LMBRD1: variants seen among roughly 807,000 people sequenced by gnomAD.
The protein encoded by LMBRD1 is lysosomal cobalamin transport escort protein LMBD1.
LMBRD1 carries 64 observed loss-of-function variants against 74.8 expected under a neutral mutation model. The ratio of observed to expected loss-of-function variants is 0.86; its 90% CI spans 0.70 to 1.05. LMBRD1 has a LOEUF of 1.05. Ranked by LOEUF, LMBRD1 falls within the 50% of genes least tolerant of loss-of-function variation. The pLI is 0.00. For missense variants in LMBRD1, 652 were observed against 645.9 expected (o/e 1.01, Z -0.10); for synonymous variants, 204 against 216.3 (o/e 0.94, Z 0.50).
chr6:69,795,638 GGCT>G (rs1766207531), intron 1 of LMBRD1, among the ~76,000 whole-genome samples: 1 of 152,198 alleles, frequency 6.6e-6, no homozygotes, highest in Non-Finnish European at 1.5e-5. Context: ...AGGACTGGGT[GGCT>G]GCAGAGACCA....
chr6:69,721,111 C>G (rs1766604794), intron 7 of LMBRD1, among the ~76,000 whole-genome samples: 1 of 152,206 alleles, frequency 6.6e-6, no homozygotes, highest in Non-Finnish European at 1.5e-5. Context: ...TCTCAGCAAG[C>G]CTTGCCACTG....
chr6:69,730,221 G>A (rs1355319273), intron 7 of LMBRD1, among the ~76,000 whole-genome samples: 2 of 151,828 alleles, frequency 1.3e-5, no homozygotes, highest in Admixed American at 6.6e-5. Flanking sequence ...TTCTTTTACC[G>A]CTCAGTTTAG....
At position 69,697,530 on chromosome 6, in the gene LMBRD1, A is replaced by C. The variant is rs551720520; in HGVS notation, c.1417+33T>G. Reference sequence around the variant, plus strand: ...AAATGCCAGGAAATTCTTTTCCTAAAAAGTTGTAAGTTCTAAAACAAGCTG... The same window carrying C: ...AAATGCCAGGAAATTCTTTTCCTAACAAGTTGTAAGTTCTAAAACAAGCTG... On this transcript the variant is annotated intron_variant, in intron 14 of 15. Coordinates refer to ENST00000649934, the MANE Select transcript of LMBRD1 (RefSeq NM_018368.4). The C allele has an allele frequency of 1.5e-4, 214 of 1,406,816 alleles. 2 individuals carry two copies. The South Asian group carries it at 2.4e-3, about 15-fold the overall frequency. The allele number at this position is 1,406,816 out of a possible 1,614,324, so 87.1% of individuals were successfully genotyped here. A position where few individuals can be genotyped will look rare whatever the true frequency, so the allele number is the denominator to read the frequency against.
intron 9 of LMBRD1, among the ~76,000 whole-genome samples, chr6:69,710,479 T>C (rs1384910386): frequency 1.3e-5 from 2 of 152,088 alleles, no homozygotes; most frequent in Non-Finnish European, 2.9e-5. Context: ...AAAATAGACA[T>C]ATAAATTAAT....
intron 3 of LMBRD1, among the ~76,000 whole-genome samples, chr6:69,759,624 T>C (rs1192304251): frequency 1.3e-5 from 2 of 152,144 alleles, no homozygotes; most frequent in African/African-American, 4.8e-5. Flanking sequence ...TAGATACTTC[T>C]GTATCTTAAT....
chr6:69,796,572 A>G (rs1582175618), intron 1 of LMBRD1, among the ~76,000 whole-genome samples: 1 of 152,124 alleles, frequency 6.6e-6, no homozygotes, highest in South Asian at 2.1e-4. Flanking sequence ...AGAGCTTCCA[A>G]AAAGGACCCT....
intron 3 of LMBRD1, among the ~76,000 whole-genome samples, chr6:69,773,630 C>T (rs1293187356): frequency 6.6e-6 from 1 of 152,070 alleles, no homozygotes. Flanking sequence ...TTGACTCACT[C>T]CTATTTTTAC....
rs543078581 is a variant in LMBRD1, at chr6:69,741,844, T to A, written c.507A>T (p.Lys169Asn). 1 of 1,606,252 alleles carries A rather than the reference T, an allele frequency of 6.2e-7. No homozygotes were observed. The highest frequency in any genetic ancestry group is 1.3e-5 in the African/African-American group (1 of 74,894). Residue 169 changes from lysine to asparagine, a missense_variant, in exon 6 of 16, where the codon AAA (lysine) becomes AAT (asparagine). This residue lies in a region of LMBRD1 where 598 missense variants were observed against 581.8 expected (regional missense o/e 1.03). Coordinates refer to ENST00000649934, the MANE Select transcript of LMBRD1 (RefSeq NM_018368.4). Reference sequence around the variant, plus strand: ...TCACTTTTTCCCACTCTGTAGAATTTTTGTTATTGGGAACATTCAATGGAA... The same window carrying A: ...TCACTTTTTCCCACTCTGTAGAATTATTGTTATTGGGAACATTCAATGGAA... ...AFVPLNVPNN[K>N]NSTEWEKVKS...
intron 7 of LMBRD1, among the ~76,000 whole-genome samples, chr6:69,722,863 A>T (rs1766646943): frequency 1.3e-5 from 2 of 152,214 alleles, no homozygotes; most frequent in East Asian, 3.8e-4. Context: ...ATGTAAATGG[A>T]CTAAACTCTC....
At chr6:69,714,161 TTATTTCAATA>T (rs1459014756) in intron 8 of LMBRD1, among the ~76,000 whole-genome samples, 3 of 152,184 alleles carry the variant, frequency 2.0e-5, no homozygotes, top group Non-Finnish European at 4.4e-5. Context: ...ACTGTATCAC[TTATTTCAATA>T]TATTTGGCTC....
chr6:69,695,508 T>G (rs1187132805), intron 14 of LMBRD1, among the ~76,000 whole-genome samples: 1 of 152,166 alleles, frequency 6.6e-6, no homozygotes, highest in African/African-American at 2.4e-5. Flanking sequence ...AATCCACGAA[T>G]GCTCAAGTCC....
At chr6:69,737,393 G>A (rs1034531178) in intron 7 of LMBRD1, among the ~76,000 whole-genome samples, 15 of 151,736 alleles carry the variant, frequency 9.9e-5, no homozygotes, top group Admixed American at 8.5e-4. Flanking sequence ...GGAAGACTGA[G>A]GGGAAAAAAG....
intron 6 of LMBRD1, 134 bp downstream of exon 6, chr6:69,741,655 C>G (rs535891223): frequency 3.5e-5 from 21 of 597,038 alleles, no homozygotes; most frequent in African/African-American, 2.8e-4. Context: ...TCCCAAAGTG[C>G]TAGGATTACA....
chr6:69,715,427 G>A (rs961244764), intron 8 of LMBRD1, among the ~76,000 whole-genome samples: 3 of 152,020 alleles, frequency 2.0e-5, no homozygotes, highest in African/African-American at 7.2e-5. Context: ...TTGACTAAAC[G>A]AATATAAGAA....
chr6:69,676,285 T>C lies in LMBRD1; in HGVS notation c.1510-14A>G. On this transcript the variant is annotated splice_polypyrimidine_tract_variant and intron_variant, in intron 15 of 15. Transcript: ENST00000649934. ...AATCAAAAATACCTGTAAATTTAAA[T>C]AAGCCATGTGTTATTTTTCAAATTT... 1 of 1,610,352 alleles carries C rather than the reference T, an allele frequency of 6.2e-7. No homozygotes were observed.
In LMBRD1 at chr6:69,675,881, A is replaced by G. The variant is rs1387404805; in HGVS notation, c.*277T>C. ...ATTAATTCTGGAAGATTTTTAATCA[A>G]TTTAACACTATTATACATTAGAGGA... On this transcript the variant is annotated 3_prime_UTR_variant, in exon 16 of 16. Coordinates refer to ENST00000649934, the MANE Select transcript of LMBRD1 (RefSeq NM_018368.4). The G allele has an allele frequency of 8.3e-6, 3 of 361,420 alleles. No homozygotes were observed. The highest frequency in any genetic ancestry group is 1.5e-5 in the Non-Finnish European group (3 of 196,150). 22.4% of individuals were successfully genotyped at this position (361,420 alleles called of 1,614,324 possible).
At chr6:69,774,090 T>C (rs183360424) in intron 3 of LMBRD1, among the ~76,000 whole-genome samples, 116 of 152,288 alleles carry the variant, frequency 7.6e-4, no homozygotes, top group South Asian at 1.7e-3. Context: ...ATAATCCCCA[T>C]GTGTCATGGG....
chr6:69,779,596 T>G (rs554406858), intron 3 of LMBRD1, among the ~76,000 whole-genome samples: 1 of 151,826 alleles, frequency 6.6e-6, no homozygotes, highest in South Asian at 2.1e-4. Context: ...TTTTAGAAAA[T>G]TGAAATTTAA....
intron 5 of LMBRD1, among the ~76,000 whole-genome samples, chr6:69,744,398 C>G (rs1767172731): frequency 6.6e-6 from 1 of 152,164 alleles, no homozygotes; most frequent in Non-Finnish European, 1.5e-5. Context: ...CAACCTCTGG[C>G]ATAAATGGGT....
Sources: gnomAD v4.1 joint callset for allele counts (sites outside exome capture counted in the v4.1 genomes callset) on GRCh38, gnomAD v4.1.1 for gene constraint, gnomAD v4.1.1 regional missense constraint, MANE v1.5 for transcripts, NCBI Gene and HGNC (gene_info 2026-07-23, HGNC 2026-07-21) for gene names.